Variants in CLUL1 observed in about 807,000 individuals in gnomAD.
CLUL1 encodes clusterin-like protein 1.
CLUL1 carries 43 observed loss-of-function variants against 49.4 expected under a neutral mutation model. That is an observed-to-expected ratio of 0.87 (90% CI 0.68 to 1.12). The LOEUF (loss-of-function observed/expected upper bound fraction) is 1.12. CLUL1 is among the 50% of genes most tolerant of loss of function. The pLI, the probability that CLUL1 is intolerant of heterozygous loss-of-function variation, is 0.00. For missense variants in CLUL1, 486 were observed against 544.4 expected (o/e 0.89, Z 1.07); for synonymous variants, 192 against 184.9 (o/e 1.04, Z -0.31).
rs377314781 is a variant in CLUL1 at position 605,379 on chromosome 18, G to A, written c.-135-1599G>A. Among the ~76,000 whole-genome samples, 18 of 152,240 alleles carry A rather than the reference G, an allele frequency of 1.2e-4. No homozygotes were observed. In the East Asian group the frequency reaches 1.7e-3, roughly 15 times the overall value. ...GTGGTGGCTCACGCCTGTAATCTCC[G>A]CACTTTGGGAGGCCTAGGTGGGTGG... On this transcript the variant is annotated intron_variant, in intron 1 of 9. Coordinates refer to ENST00000692774, the MANE Select transcript of CLUL1 (RefSeq NM_001393344.1).
intron 7 of CLUL1, among the ~76,000 whole-genome samples, chr18:638,947 C>G (rs1283395757): frequency 1.3e-5 from 2 of 152,136 alleles, no homozygotes; most frequent in African/African-American, 4.8e-5. Context: ...ATCCACATCA[C>G]ATTCACTTTA....
intron 8 of CLUL1, 90 bp from the exon 9 acceptor site, chr18:644,820 C>T (rs961420942): frequency 3.1e-6 from 3 of 962,896 alleles, no homozygotes; most frequent in Non-Finnish European, 1.5e-6. Flanking sequence ...TCAGCACAAC[C>T]CAGCCTATCC....
intron 7 of CLUL1, among the ~76,000 whole-genome samples, chr18:636,837 G>C (rs1331782123): frequency 6.6e-6 from 1 of 151,382 alleles, no homozygotes; most frequent in Non-Finnish European, 1.5e-5. Flanking sequence ...ATGTTGGTTA[G>C]GCTGGTGGCG....
intron 6 of CLUL1, among the ~76,000 whole-genome samples, chr18:628,639 C>CTTTT (rs577855173): frequency 7.3e-6 from 1 of 137,588 alleles, no homozygotes; most frequent in Non-Finnish European, 1.6e-5. Flanking sequence ...TTTCTTTTTT[C>CTTTT]TTTTTTTTTT....
At chr18:623,455 G>C (rs990209429) in intron 4 of CLUL1, among the ~76,000 whole-genome samples, 3 of 152,000 alleles carry the variant, frequency 2.0e-5, no homozygotes, top group Non-Finnish European at 4.4e-5. Flanking sequence ...GATCAGCCTG[G>C]GCAAAATGGT....
chr18:639,208 C>T (rs997644695), intron 7 of CLUL1, among the ~76,000 whole-genome samples: 2 of 146,578 alleles, frequency 1.4e-5, no homozygotes, highest in South Asian at 2.2e-4. Context: ...AGGCGGATCA[C>T]GAGGTCAGGA....
At chr18:646,009 G>A (rs1452300024) in intron 9 of CLUL1, among the ~76,000 whole-genome samples, 1 of 150,890 alleles carries the variant, frequency 6.6e-6, no homozygotes, top group African/African-American at 2.4e-5. Flanking sequence ...AGCTAGTCTT[G>A]GAGGTAATAG....
chr18:649,872 T>C lies in CLUL1; in HGVS notation c.1398-26T>C, dbSNP rs2074627256. 3.7e-6 allele frequency: 5 copies of C among 1,347,936 alleles called. No individual in the cohort carries two copies. The South Asian group carries it at 5.0e-5, about 13-fold the overall frequency. The allele number at this position is 1,347,936 out of a possible 1,614,324, so 83.5% of individuals were successfully genotyped here. The stretch of plus-strand genomic sequence containing the variant: ...GAGTAATTTATTAGTATTTTGATCA[T>C]TGCTGCCTTTTTTTTTTTTTTTAAG... On this transcript the variant is annotated intron_variant, in intron 9 of 9. Coordinates refer to ENST00000692774, the MANE Select transcript of CLUL1 (RefSeq NM_001393344.1).
At chr18:614,334 GGGAAGGAAGGAAGGAAAGAA>G (rs2073230102) in intron 2 of CLUL1, among the ~76,000 whole-genome samples, 1 of 145,958 alleles carries the variant, frequency 6.9e-6, no homozygotes, top group African/African-American at 2.6e-5. Flanking sequence ...AAGGAAGGGA[GGGAAGGAAGGAAGGAAAGAA>G]GGAAGGAAGG....
chr18:613,286 G>A (rs761348523), intron 2 of CLUL1: 118 of 398,366 alleles, frequency 3.0e-4, no homozygotes, highest in Middle Eastern at 6.4e-4. Flanking sequence ...CTATAGGTGC[G>A]TGCCACCACA....
chr18:606,448 C>T lies in CLUL1; in HGVS notation c.-135-530C>T, dbSNP rs1038216174. Among the ~76,000 whole-genome samples, 1 of 152,226 alleles carries T rather than the reference C, an allele frequency of 6.6e-6. No individual in the cohort carries two copies. Among genetic ancestry groups the T allele is most frequent in the Non-Finnish European group, 1.5e-5 (1 of 68,042 alleles). On this transcript the variant is annotated intron_variant, in intron 1 of 9. Coordinates refer to ENST00000692774, the MANE Select transcript of CLUL1 (RefSeq NM_001393344.1). The surrounding 1 kb of genome is among the most constrained non-coding windows in gnomAD (Gnocchi z 4.1). ...GTCCACAACGTGGAAGTCCAGCTTCCGTTCAAATCGGAGTTCTTTCTTCAT... is the reference window on the plus strand; with the variant it reads ...GTCCACAACGTGGAAGTCCAGCTTCTGTTCAAATCGGAGTTCTTTCTTCAT...
At position 621,640 on chromosome 18, in the gene CLUL1, C is replaced by T. The variant is rs536855326; in HGVS notation, c.255+2279C>T. Among the ~76,000 whole-genome samples the T allele has an allele frequency of 2.0e-5, 3 of 152,320 alleles. No individual in the cohort carries two copies. In the South Asian group the frequency reaches 6.2e-4, roughly 32 times the overall value. ...GCACTCATACACTCTTCACAAAACA[C>T]ATTATCACATGGAATGTTTTGAACA... is the stretch of plus-strand genomic sequence containing the variant. On this transcript the variant is annotated intron_variant, in intron 4 of 9. Coordinates refer to ENST00000692774, the MANE Select transcript of CLUL1 (RefSeq NM_001393344.1).
In CLUL1 at chr18:630,672, C is replaced by CTTTTTTT. The variant is rs36222515; in HGVS notation, c.857-2599_857-2593dup. Reference sequence around the variant, plus strand: ...CGCAAAAAACTAGCCCTACTGACATCTTTTTTTTTTTTTTTTTTTTTTTTT... The same window carrying CTTTTTTT: ...CGCAAAAAACTAGCCCTACTGACATCTTTTTTTTTTTTTTTTTTTTTTTTTTTTTTTT... On this transcript the variant is annotated intron_variant, in intron 6 of 9. Transcript: ENST00000692774. Among the ~76,000 whole-genome samples, 43 of 62,044 alleles carry CTTTTTTT rather than the reference C, an allele frequency of 6.9e-4. 2 individuals are homozygous for CTTTTTTT. Among genetic ancestry groups the CTTTTTTT allele is most frequent in the African/African-American group, 2.2e-3 (30 of 13,908 alleles). The allele number at this position is 62,044 out of a possible 152,430, so 40.7% of individuals were successfully genotyped here. A position where few individuals can be genotyped will look rare whatever the true frequency, so the allele number is the denominator to read the frequency against.
intron 2 of CLUL1, chr18:613,170 C>A (rs1457150218): frequency 2.2e-6 from 1 of 450,662 alleles, no homozygotes; most frequent in Non-Finnish European, 3.9e-6. Context: ...TGGAGTCTTG[C>A]TCTCGTTGCC....
intron 9 of CLUL1, among the ~76,000 whole-genome samples, chr18:645,803 AAAAAAAAATATATATATATAT>A (rs2074468262): frequency 3.9e-5 from 2 of 50,870 alleles, no homozygotes; most frequent in African/African-American, 7.9e-5. Flanking sequence ...AAAAAAAAAA[AAAAAAAAATATATATATATAT>A]ATATATATAT....
In CLUL1 at chr18:641,464, A is replaced by T; in HGVS notation, c.1132A>T (p.Met378Leu). 6.2e-7 allele frequency: 1 copy of T among 1,614,196 alleles called. No homozygotes were observed. Among genetic ancestry groups the T allele is most frequent in the Non-Finnish European group, 8.5e-7 (1 of 1,180,034 alleles). The change falls in exon 8 of 10, where the codon ATG (methionine) becomes TTG (leucine). Residue 378 changes from methionine to leucine, a missense_variant. By Grantham distance (15) the Met-to-Leu change is conservative. Coordinates refer to ENST00000692774, the MANE Select transcript of CLUL1 (RefSeq NM_001393344.1). Reference protein sequence around the residue: ...LEDTAYLVEKMRGQFGWVSEL... With the variant: ...LEDTAYLVEKLRGQFGWVSEL... Reference sequence around the variant, plus strand: ...GGACACCGCCTATCTGGTGGAGAAGATGAGAGGGCAATTTGGCTGGGTGTC... The same window carrying T: ...GGACACCGCCTATCTGGTGGAGAAGTTGAGAGGGCAATTTGGCTGGGTGTC...
At chr18:619,422 G>C (rs751296403) in intron 4 of CLUL1, 61 bp downstream of exon 4, 1 of 1,363,418 alleles carries the variant, frequency 7.3e-7, no homozygotes, top group Non-Finnish European at 9.9e-7. Context: ...TACTGCACTT[G>C]TTAGTGCGAT....
rs1409456566 is a variant in CLUL1 at position 633,417 on chromosome 18, C to A, written c.976C>A (p.Gln326Lys). The part of the protein sequence containing the change: ...FKFHEKCQKC[Q>K]AHLSEDCPDV... Reference sequence around the variant, plus strand: ...ATTTCATGAAAAATGCCAAAAATGTCAGGCTCACCTATCTGAAGGTAAATA... The same window carrying A: ...ATTTCATGAAAAATGCCAAAAATGTAAGGCTCACCTATCTGAAGGTAAATA... Residue 326 changes from glutamine (Q) to lysine (K), a missense_variant, in exon 7 of 10, where the codon CAG (glutamine) becomes AAG (lysine). Gln to Lys is a moderately conservative substitution (Grantham distance 53). Coordinates refer to ENST00000692774, the MANE Select transcript of CLUL1 (RefSeq NM_001393344.1). 17 of 1,613,652 alleles carry A rather than the reference C, an allele frequency of 1.1e-5. No homozygotes were observed. Among genetic ancestry groups the A allele is most frequent in the Non-Finnish European group, 1.2e-5 (14 of 1,179,756 alleles).
chr18:620,790 T>C (rs561511832), intron 4 of CLUL1, among the ~76,000 whole-genome samples: 157 of 152,328 alleles, frequency 1.0e-3, no homozygotes, highest in Non-Finnish European at 1.0e-3. Context: ...GTTCAGTAAA[T>C]TTCTAAATTA....
Sources: allele counts gnomAD v4.1 joint callset (sites outside exome capture counted in the v4.1 genomes callset), GRCh38; gene constraint gnomAD v4.1.1; non-coding constraint Gnocchi (gnomAD v3.1); transcripts MANE v1.5; gene names NCBI Gene and HGNC (gene_info 2026-07-23, HGNC 2026-07-21).